The following EHD4 variants were observed in gnomAD, a reference collection of about 807,000 sequenced individuals.
The protein encoded by EHD4 is EH domain containing 4, also known as EH domain-containing protein 4.
In EHD4, 37 loss-of-function variants were observed where a neutral mutation model predicts 51.0. The observed-to-expected ratio is 0.73, with a 90% CI of 0.56 to 0.95. EHD4 has a LOEUF of 0.95. Among genes scored for constraint, EHD4 ranks in the 40% least tolerant of loss-of-function variants. The pLI is 0.00. For missense variants in EHD4, 632 were observed against 733.1 expected, an observed-to-expected ratio of 0.86 and a Z score of 1.59; for synonymous variants, 297 against 317.3, an observed-to-expected ratio of 0.94 and a Z score of 0.68.
At chr15:41,929,199 A>G (rs2067683028) in intron 3 of EHD4, among the ~76,000 whole-genome samples, 1 of 151,112 alleles carries the variant, frequency 6.6e-6, no homozygotes, top group African/African-American at 2.4e-5. Context: ...TGCTCTTCCC[A>G]CTCCTCCTTC....
rs2067608109 is a variant in EHD4, at chr15:41,919,380, C to T, written c.754G>A (p.Val252Ile). The change falls in exon 4 of 6, where the codon GTA becomes ATA. Residue 252 changes from valine (V) to isoleucine (I), a missense_variant. Physicochemically the swap from Val to Ile is conservative, Grantham distance 29. Transcript: ENST00000220325. ...AAGGAGCCAATGTAGACGCGCAGTA[C>T]CTCGGGCGTGTTGATGACCTTGCCT... The part of the protein sequence containing the change: ...SLGKVINTPE[V>I]LRVYIGSFWA... 1 of 1,612,232 alleles carries T rather than the reference C, an allele frequency of 6.2e-7. No individual in the cohort carries two copies. The highest frequency in any genetic ancestry group is 1.3e-5 in the African/African-American group (1 of 74,856).
rs913929209 is a variant in EHD4 at position 41,946,697 on chromosome 15, G to A, written c.414-3533C>T. ...GCTTTGATGGTGCCAGTGCACTACA[G>A]CCTGTGCAACAGAGTGAGACCCTGT... On this transcript the variant is annotated intron_variant, in intron 2 of 5. Coordinates refer to ENST00000220325, the MANE Select transcript of EHD4 (RefSeq NM_139265.4). 2.0e-5 allele frequency among the ~76,000 whole-genome samples: 3 copies of A among 152,192 alleles called. No individual in the cohort carries two copies. The East Asian group carries it at 5.8e-4, about 29-fold the overall frequency.
At chr15:41,931,543 A>G (rs182989397) in intron 3 of EHD4, among the ~76,000 whole-genome samples, 2 of 152,240 alleles carry the variant, frequency 1.3e-5, no homozygotes, top group African/African-American at 4.8e-5. Context: ...AAAATAAAGT[A>G]AAATTAAATT....
chr15:41,960,655 C>A (rs934505249), intron 1 of EHD4, among the ~76,000 whole-genome samples: 2 of 150,872 alleles, frequency 1.3e-5, no homozygotes, highest in African/African-American at 4.9e-5. Flanking sequence ...CTAAGTTAGG[C>A]TGATCTTCAC....
chr15:41,947,986 G>T (rs1440359630), intron 2 of EHD4, among the ~76,000 whole-genome samples: 1 of 148,690 alleles, frequency 6.7e-6, no homozygotes, highest in East Asian at 2.0e-4. Context: ...GCCAGGCGCG[G>T]TGGCTCACGC....
At chr15:41,945,341 A>G (rs905427964) in intron 2 of EHD4, among the ~76,000 whole-genome samples, 1 of 152,210 alleles carries the variant, frequency 6.6e-6, no homozygotes, top group African/African-American at 2.4e-5. Context: ...GTATAAAGTG[A>G]CAGCCTTTCC....
intron 1 of EHD4, among the ~76,000 whole-genome samples, chr15:41,967,387 T>C (rs1229081858): frequency 2.0e-5 from 3 of 152,248 alleles, no homozygotes; most frequent in Admixed American, 1.3e-4. Context: ...CTCTCTTCTG[T>C]GATGGCTGGC....
intron 2 of EHD4, among the ~76,000 whole-genome samples, chr15:41,949,074 A>T (rs2067836132): frequency 7.0e-6 from 1 of 143,512 alleles, no homozygotes; most frequent in African/African-American, 2.6e-5. Flanking sequence ...ACACACATAC[A>T]TATACATAAA....
At chr15:41,943,743 G>C (rs1042383302) in intron 2 of EHD4, among the ~76,000 whole-genome samples, 1 of 152,226 alleles carries the variant, frequency 6.6e-6, no homozygotes, top group African/African-American at 2.4e-5. Flanking sequence ...AGAGCCCCAA[G>C]CTCCCTGCCT....
intron 3 of EHD4, among the ~76,000 whole-genome samples, chr15:41,927,503 T>C (rs1030794803): frequency 6.6e-6 from 1 of 152,200 alleles, no homozygotes. Context: ...AATGGAATAC[T>C]ATTCAGCCTT....
chr15:41,953,579 T>C (rs927220914), intron 2 of EHD4, among the ~76,000 whole-genome samples, 185 bp downstream of exon 2: 1 of 152,184 alleles, frequency 6.6e-6, no homozygotes, highest in Non-Finnish European at 1.5e-5. Flanking sequence ...TTACCCAGAA[T>C]AGGCATAAAT....
At chr15:41,961,485 T>C (rs1451756059) in intron 1 of EHD4, among the ~76,000 whole-genome samples, 1 of 152,184 alleles carries the variant, frequency 6.6e-6, no homozygotes, top group Non-Finnish European at 1.5e-5. Context: ...TAAATCGTCA[T>C]GAGGAGGTTA....
intron 5 of EHD4, among the ~76,000 whole-genome samples, chr15:41,902,324 TAACCATCCATCCATTCAACC>T (rs2067483020): frequency 6.6e-6 from 1 of 151,782 alleles, no homozygotes; most frequent in Non-Finnish European, 1.5e-5. Flanking sequence ...ATCCTCCAAC[TAACCATCCATCCATTCAACC>T]AACCCTCCAT....
intron 4 of EHD4, among the ~76,000 whole-genome samples, chr15:41,913,611 T>A (rs1449595319): frequency 6.6e-6 from 1 of 152,230 alleles, no homozygotes; most frequent in East Asian, 1.9e-4. Flanking sequence ...TGCACTCTGC[T>A]CACTAGAAAG....
In EHD4 at chr15:41,972,556, C is replaced by G. The variant is rs2068007006; in HGVS notation, c.-62G>C. The G allele has an allele frequency of 2.2e-6, 3 of 1,384,994 alleles. No homozygotes were observed. The East Asian group carries it at 9.0e-5, about 41-fold the overall frequency. 85.8% of individuals were successfully genotyped at this position (1,384,994 alleles called of 1,614,324 possible). On this transcript the variant is annotated 5_prime_UTR_variant, in exon 1 of 6. Transcript: ENST00000220325. Reference sequence around the variant, plus strand: ...CGGGTTCGACTCTCCCCGGCTCGCACTGAGCCGCCCCGGCCGCGCTGGCCG... The same window carrying G: ...CGGGTTCGACTCTCCCCGGCTCGCAGTGAGCCGCCCCGGCCGCGCTGGCCG...
At chr15:41,948,182 G>A (rs1229906938) in intron 2 of EHD4, among the ~76,000 whole-genome samples, 1 of 152,050 alleles carries the variant, frequency 6.6e-6, no homozygotes, top group African/African-American at 2.4e-5. Context: ...GAACCCGGGA[G>A]GCAGAGTTTG....
intron 5 of EHD4, among the ~76,000 whole-genome samples, chr15:41,905,341 G>A (rs1022623018): frequency 7.2e-5 from 11 of 152,328 alleles, no homozygotes; most frequent in African/African-American, 2.6e-4. Flanking sequence ...GCTTCTAGGG[G>A]TTGGCACGGG....
At chr15:41,907,826 G>C (rs1289740200) in intron 5 of EHD4, among the ~76,000 whole-genome samples, 2 of 72,760 alleles carry the variant, frequency 2.7e-5, no homozygotes, top group African/African-American at 6.6e-5. Flanking sequence ...CCCAGGCTCT[G>C]TGTGTGTGTG....
At chr15:41,901,686 A>G (rs1340507667) in intron 5 of EHD4, among the ~76,000 whole-genome samples, 1 of 152,232 alleles carries the variant, frequency 6.6e-6, no homozygotes, top group Admixed American at 6.5e-5. Context: ...CAGAAGGACT[A>G]TGTTTACATA....
Sources: gnomAD v4.1 joint callset for allele counts (sites outside exome capture counted in the v4.1 genomes callset) on GRCh38, gnomAD v4.1.1 for gene constraint, MANE v1.5 for transcripts, NCBI Gene and HGNC (gene_info 2026-07-23, HGNC 2026-07-21) for gene names.